SCAPER: variants seen among roughly 807,000 people sequenced by gnomAD.
SCAPER encodes the protein S-phase cyclin A associated protein in the ER, also known as S phase cyclin A-associated protein in the endoplasmic reticulum.
Under a neutral mutation model 182.2 loss-of-function variants are expected in SCAPER, and 98 were observed. The ratio of observed to expected loss-of-function variants is 0.54; its 90% CI spans 0.46 to 0.64. The LOEUF is 0.64. Among genes scored for constraint, SCAPER ranks in the 30% least tolerant of loss-of-function variants. The pLI, the probability that SCAPER is intolerant of heterozygous loss-of-function variation, is 0.00. For missense variants in SCAPER, 1,432 were observed against 1,690.0 expected (o/e 0.85, Z 2.68); for synonymous variants, 605 against 564.6 (o/e 1.07, Z -1.01).
intron 23 of SCAPER, among the ~76,000 whole-genome samples, chr15:76,511,494 T>C (rs541749190): frequency 6.6e-6 from 1 of 152,170 alleles, no homozygotes; most frequent in Non-Finnish European, 1.5e-5. Flanking sequence ...CAGGGACAAC[T>C]TCTTCACAGT....
At chr15:76,746,423 TAC>T in intron 15 of SCAPER, among the ~76,000 whole-genome samples, 1 of 146,552 alleles carries the variant, frequency 6.8e-6, no homozygotes, top group South Asian at 2.1e-4. Flanking sequence ...CTTAACATCA[TAC>T]TTGATGAAAG....
chr15:76,661,423 C>A (rs1373442695), intron 21 of SCAPER, among the ~76,000 whole-genome samples: 2 of 152,136 alleles, frequency 1.3e-5, no homozygotes, highest in Non-Finnish European at 2.9e-5. Flanking sequence ...ATTTTTCAAT[C>A]TACCCATCTG....
At chr15:76,880,997 G>C (rs770132524) in intron 2 of SCAPER, among the ~76,000 whole-genome samples, 13 of 152,146 alleles carry the variant, frequency 8.5e-5, no homozygotes, top group Non-Finnish European at 1.6e-4. Context: ...CACTATGACA[G>C]TTCCTCCAAA....
intron 31 of SCAPER, chr15:76,349,762 G>A (rs2040414485): frequency 1.3e-5 from 2 of 151,902 alleles, no homozygotes; most frequent in Non-Finnish European, 2.9e-5. Flanking sequence ...TGTGGGTTAA[G>A]CCTACTGTAA....
chr15:76,610,538 T>G (rs2050883515), intron 22 of SCAPER, among the ~76,000 whole-genome samples: 1 of 152,064 alleles, frequency 6.6e-6, no homozygotes, highest in Admixed American at 6.5e-5. Flanking sequence ...ACCGTAAAGA[T>G]TCTACAAAAA....
intron 15 of SCAPER, among the ~76,000 whole-genome samples, chr15:76,738,192 T>G (rs1218827902): frequency 6.6e-6 from 1 of 152,072 alleles, no homozygotes; most frequent in African/African-American, 2.4e-5. Flanking sequence ...CAGGCTGGAG[T>G]GCAGTGGCTC....
At chr15:76,505,023 C>T (rs2041455616) in intron 23 of SCAPER, 49 bp from the exon 24 acceptor site, 1 of 1,345,684 alleles carries the variant, frequency 7.4e-7, no homozygotes, top group Non-Finnish European at 1.0e-6. Context: ...AGGCATTAAA[C>T]TATAACCAAA....
At chr15:76,704,186 T>C (rs2059119282) in intron 18 of SCAPER, among the ~76,000 whole-genome samples, 1 of 152,220 alleles carries the variant, frequency 6.6e-6, no homozygotes, top group East Asian at 1.9e-4. Flanking sequence ...CTACCTCTAA[T>C]GCCTTCAAGT....
chr15:76,362,264 C>T (rs1158293985), intron 29 of SCAPER, among the ~76,000 whole-genome samples: 1 of 152,018 alleles, frequency 6.6e-6, no homozygotes, highest in Non-Finnish European at 1.5e-5. Flanking sequence ...TGGGCCACCG[C>T]GCTCAGCCCA....
intron 23 of SCAPER, among the ~76,000 whole-genome samples, chr15:76,540,063 G>T (rs1002588683): frequency 2.6e-5 from 4 of 152,182 alleles, no homozygotes; most frequent in Middle Eastern, 3.4e-3. Context: ...AATTCCCAGG[G>T]TGAAGTAAAA....
intron 7 of SCAPER, chr15:76,797,691 G>A (rs904880942): frequency 2.6e-5 from 4 of 152,198 alleles, no homozygotes; most frequent in African/African-American, 9.7e-5. Flanking sequence ...GGAAACCTCT[G>A]TCAAATCGTT....
intron 27 of SCAPER, among the ~76,000 whole-genome samples, chr15:76,404,141 G>A (rs1234901920): frequency 1.3e-5 from 2 of 152,134 alleles, no homozygotes; most frequent in Non-Finnish European, 2.9e-5. Context: ...TGACGGTAAT[G>A]AGCACTTTCA....
intron 22 of SCAPER, among the ~76,000 whole-genome samples, chr15:76,617,701 C>G (rs1264680514): frequency 6.6e-6 from 1 of 152,106 alleles, no homozygotes; most frequent in African/African-American, 2.4e-5. Flanking sequence ...AGAACAGAAA[C>G]CATAGACCCG....
In SCAPER at chr15:76,398,945, T is replaced by C. The variant is rs116159623; in HGVS notation, c.3467+5579A>G. On this transcript the variant is annotated intron_variant, in intron 27 of 31. Coordinates refer to ENST00000563290, the MANE Select transcript of SCAPER (RefSeq NM_020843.4). ...TGATTAAGTTAACAGCCCATGTTGG[T>C]TTCAATTTATAATCACTCATTATTA... Among the ~76,000 whole-genome samples, 156 of 152,274 alleles carry C rather than the reference T, an allele frequency of 1.0e-3. 3 individuals carry two copies. The highest frequency in any genetic ancestry group is 3.7e-3 in the African/African-American group (153 of 41,554).
At chr15:76,881,867 G>C (rs1272686819) in intron 2 of SCAPER, among the ~76,000 whole-genome samples, 1 of 152,124 alleles carries the variant, frequency 6.6e-6, no homozygotes, top group Non-Finnish European at 1.5e-5. Flanking sequence ...GGTTCAGATG[G>C]TAAATGTCAT....
chr15:76,518,186 C>G (rs1370973990), intron 23 of SCAPER, among the ~76,000 whole-genome samples: 1 of 152,068 alleles, frequency 6.6e-6, no homozygotes, highest in Non-Finnish European at 1.5e-5. Context: ...AAGATGGGCT[C>G]CCTGCAGCTC....
intron 25 of SCAPER, among the ~76,000 whole-genome samples, chr15:76,437,847 T>C (rs1301819277): frequency 6.6e-6 from 1 of 152,152 alleles, no homozygotes; most frequent in Non-Finnish European, 1.5e-5. Context: ...AACATTTGAG[T>C]ACCTAACACA....
intron 8 of SCAPER, 77 bp from the exon 9 acceptor site, chr15:76,775,194 AT>A: frequency 1.5e-6 from 2 of 1,324,414 alleles, no homozygotes; most frequent in Non-Finnish European, 2.0e-6. Flanking sequence ...GAATAAAAAC[AT>A]TTTCCAATTT....
intron 29 of SCAPER, among the ~76,000 whole-genome samples, chr15:76,361,346 CA>C (rs2041402002): frequency 6.6e-6 from 1 of 152,188 alleles, no homozygotes; most frequent in South Asian, 2.1e-4. Flanking sequence ...ATTTGCTGAG[CA>C]TCTACTCTAG....
Sources: gnomAD v4.1 joint callset for allele counts (sites outside exome capture counted in the v4.1 genomes callset) on GRCh38, gnomAD v4.1.1 for gene constraint, MANE v1.5 for transcripts, NCBI Gene and HGNC (gene_info 2026-07-23, HGNC 2026-07-21) for gene names.